The following PLCL2 variants were observed in gnomAD, a reference collection of about 807,000 sequenced individuals.
PLCL2 encodes phospholipase C like 2.
In PLCL2, 4 loss-of-function variants were observed where a neutral mutation model predicts 79.6. That is an observed-to-expected ratio of 0.05 (90% confidence interval 0.02 to 0.11). The LOEUF (loss-of-function observed/expected upper bound fraction) is 0.11. PLCL2 is among the 10% of genes least tolerant of loss of function. The probability of loss-of-function intolerance (pLI) is 1.00; values close to 1 mark genes in which losing one functional copy is unlikely to be tolerated. For missense variants in PLCL2, 895 were observed against 1,291.0 expected (o/e 0.69, Z 4.70); for synonymous variants, 484 against 457.7 (o/e 1.06, Z -0.73).
intron 3 of PLCL2, among the ~76,000 whole-genome samples, chr3:17,027,294 A>G (rs2064527451): frequency 6.6e-6 from 1 of 152,200 alleles, no homozygotes; most frequent in Non-Finnish European, 1.5e-5. Flanking sequence ...TACATTTTTA[A>G]TTTATTGGAA....
chr3:16,945,269 C>T (rs959537226), intron 1 of PLCL2, among the ~76,000 whole-genome samples: 13 of 152,004 alleles, frequency 8.6e-5, no homozygotes, highest in African/African-American at 3.1e-4. Context: ...CACATACACA[C>T]ACATGCACAC....
intron 1 of PLCL2, among the ~76,000 whole-genome samples, chr3:16,987,910 A>G (rs1198849760): frequency 6.6e-6 from 1 of 152,214 alleles, no homozygotes; most frequent in Non-Finnish European, 1.5e-5. Flanking sequence ...TAAAAAGTAA[A>G]TATACTATGC....
At chr3:16,976,257 G>C (rs1331353594) in intron 1 of PLCL2, among the ~76,000 whole-genome samples, 1 of 152,082 alleles carries the variant, frequency 6.6e-6, no homozygotes, top group African/African-American at 2.4e-5. Flanking sequence ...GGGGAACATG[G>C]AAAAATTTTT....
At position 16,945,264 on chromosome 3, in the gene PLCL2, A is replaced by G. The variant is rs555476360; in HGVS notation, c.327+59898A>G. Among the ~76,000 whole-genome samples the G allele has an allele frequency of 1.1e-4, 16 of 145,548 alleles. No individual in the cohort carries two copies. In the East Asian group the frequency reaches 2.3e-3, roughly 21 times the overall value. On this transcript the variant is annotated intron_variant, in intron 1 of 5. Transcript: ENST00000615277. ...TACACACACACACACACACACACAT[A>G]CACACACATGCACACACAGCACTTG...
intron 4 of PLCL2, among the ~76,000 whole-genome samples, chr3:17,064,610 T>G (rs1223299789): frequency 1.3e-5 from 2 of 151,964 alleles, no homozygotes; most frequent in African/African-American, 4.8e-5. Flanking sequence ...ACCCTTTTCT[T>G]AAAAAAATAC....
intron 4 of PLCL2, among the ~76,000 whole-genome samples, chr3:17,063,903 G>A (rs938100727): frequency 1.3e-5 from 2 of 152,234 alleles, no homozygotes; most frequent in Non-Finnish European, 2.9e-5. Flanking sequence ...TCTTGAGGGA[G>A]TGGAGAGGGA....
intron 1 of PLCL2, among the ~76,000 whole-genome samples, chr3:16,951,160 C>A (rs1173787288): frequency 6.6e-6 from 1 of 152,016 alleles, no homozygotes; most frequent in African/African-American, 2.4e-5. Flanking sequence ...ATAGAATTTA[C>A]CTATTCTTTC....
At chr3:16,920,546 G>A (rs938210621) in intron 1 of PLCL2, among the ~76,000 whole-genome samples, 7 of 152,120 alleles carry the variant, frequency 4.6e-5, no homozygotes, top group African/African-American at 1.2e-4. Context: ...AAATTAGGGC[G>A]AGAGATAACG....
At chr3:16,947,041 G>A (rs374899377) in intron 1 of PLCL2, among the ~76,000 whole-genome samples, 2 of 138,588 alleles carry the variant, frequency 1.4e-5, no homozygotes, top group African/African-American at 2.7e-5. Context: ...CTGCAGCCTC[G>A]ACCCCCTGGG....
intron 1 of PLCL2, among the ~76,000 whole-genome samples, chr3:16,896,133 C>T (rs771216432): frequency 1.3e-5 from 2 of 152,192 alleles, no homozygotes; most frequent in Admixed American, 6.5e-5. Flanking sequence ...AAATTGTGAA[C>T]ATTAATCAAA....
At chr3:16,998,999 G>A (rs2064180646) in intron 1 of PLCL2, among the ~76,000 whole-genome samples, 1 of 152,198 alleles carries the variant, frequency 6.6e-6, no homozygotes, top group South Asian at 2.1e-4. Context: ...GTCACAAAGT[G>A]CTTTGAGTGA....
At chr3:16,900,362 C>T (rs796618420) in intron 1 of PLCL2, among the ~76,000 whole-genome samples, 8 of 152,166 alleles carry the variant, frequency 5.3e-5, no homozygotes, top group Admixed American at 1.3e-4. Flanking sequence ...TCCTTGTTTT[C>T]CTCATAGAGC....
chr3:17,048,302 G>C lies in PLCL2; in HGVS notation c.3094+5353G>C, dbSNP rs1486794927. Among the ~76,000 whole-genome samples, 3 of 151,964 alleles carry C rather than the reference G, an allele frequency of 2.0e-5. No homozygotes were observed. The East Asian group carries it at 5.8e-4, about 29-fold the overall frequency. ...GGACAACACAAGTTTGAACAGCATGGGTCCACATATATGTGAGTTTTTTCA... is the reference window on the plus strand; with the variant it reads ...GGACAACACAAGTTTGAACAGCATGCGTCCACATATATGTGAGTTTTTTCA... On this transcript the variant is annotated intron_variant, in intron 4 of 5. Transcript: ENST00000615277.
intron 4 of PLCL2, among the ~76,000 whole-genome samples, chr3:17,051,450 A>G (rs944779166): frequency 1.3e-5 from 2 of 152,226 alleles, no homozygotes; most frequent in Admixed American, 6.5e-5. Context: ...ATAAAAATTT[A>G]AAATAAAAAT....
At chr3:16,954,781 T>TG (rs2063687993) in intron 1 of PLCL2, among the ~76,000 whole-genome samples, 1 of 152,252 alleles carries the variant, frequency 6.6e-6, no homozygotes, top group African/African-American at 2.4e-5. Flanking sequence ...TGGCCAGTGA[T>TG]GGTGAGCATT....
chr3:17,081,413 C>T (rs1208429659), intron 5 of PLCL2: 1 of 340,780 alleles, frequency 2.9e-6, no homozygotes, highest in Non-Finnish European at 5.8e-6. Flanking sequence ...CACTGGATCC[C>T]TCACCTCAGA....
At chr3:17,007,223 G>A (rs4290789) in intron 1 of PLCL2, among the ~76,000 whole-genome samples, 23,253 of 152,020 alleles carry the variant, frequency 0.15, 2,260 homozygotes, top group Non-Finnish European at 0.2. Flanking sequence ...GGAGGCTGAC[G>A]CAGACGGATC....
intron 5 of PLCL2, among the ~76,000 whole-genome samples, chr3:17,085,452 C>T (rs538702211): frequency 1.1e-4 from 16 of 142,902 alleles, no homozygotes; most frequent in South Asian, 2.3e-4. Flanking sequence ...TTTTTTAAGG[C>T]GGAGTCTCAC....
chr3:17,086,660 G>A (rs918990133), intron 5 of PLCL2, among the ~76,000 whole-genome samples: 1 of 152,204 alleles, frequency 6.6e-6, no homozygotes, highest in Non-Finnish European at 1.5e-5. Context: ...CAGTCTGGGA[G>A]AAAATACTTG....
Sources: gnomAD v4.1 joint callset for allele counts (sites outside exome capture counted in the v4.1 genomes callset) on GRCh38, gnomAD v4.1.1 for gene constraint, MANE v1.5 for transcripts, NCBI Gene and HGNC (gene_info 2026-07-23, HGNC 2026-07-21) for gene names.